Variants in MYO3A observed in about 807,000 individuals in gnomAD.
The protein encoded by MYO3A is myosin-IIIa.
Under a neutral mutation model 192.7 loss-of-function variants are expected in MYO3A, and 180 were observed. The ratio of observed to expected loss-of-function variants is 0.93; its 90% confidence interval spans 0.83 to 1.06. The LOEUF is 1.06. Ranked by LOEUF, MYO3A falls within the 50% of genes least tolerant of loss-of-function variation. MYO3A has a pLI of 0.00. For synonymous variants in MYO3A, 628 were observed against 645.3 expected (o/e 0.97, Z 0.41); for missense variants, 1,896 against 1,905.0 (o/e 1.00, Z 0.09).
intron 15 of MYO3A, among the ~76,000 whole-genome samples, chr10:26,095,832 A>G (rs1197515839): frequency 2.0e-5 from 3 of 152,206 alleles, no homozygotes; most frequent in African/African-American, 7.2e-5. Flanking sequence ...CAATATTAAA[A>G]GGTGGTTAAA....
intron 6 of MYO3A, among the ~76,000 whole-genome samples, chr10:26,009,590 A>G (rs1173561086): frequency 2.0e-5 from 3 of 152,070 alleles, no homozygotes; most frequent in African/African-American, 7.2e-5. Context: ...TGGAGTTTTT[A>G]TGTTGCTATC....
At chr10:25,996,081 G>T (rs1467026649) in intron 4 of MYO3A, among the ~76,000 whole-genome samples, 1 of 152,220 alleles carries the variant, frequency 6.6e-6, no homozygotes, top group Non-Finnish European at 1.5e-5. Flanking sequence ...CTTTTGTTTG[G>T]CTATGCCCTG....
At position 26,118,095 on chromosome 10, in the gene MYO3A, G is replaced by A. The variant is rs148545936; in HGVS notation, c.1777-2581G>A. On this transcript the variant is annotated intron_variant, in intron 17 of 34. Coordinates refer to ENST00000642920, the MANE Select transcript of MYO3A (RefSeq NM_017433.5). Reference sequence around the variant, plus strand: ...GATTTGCATTTCTCTAATGATCAGTGACATTGAGCTTTTTTCATGTGATTG... The same window carrying A: ...GATTTGCATTTCTCTAATGATCAGTAACATTGAGCTTTTTTCATGTGATTG... 9.6e-3 allele frequency among the ~76,000 whole-genome samples: 1,460 copies of A among 152,282 alleles called. 13 individuals are homozygous for A. Among genetic ancestry groups the A allele is most frequent in the Non-Finnish European group, 0.016 (1,063 of 68,020 alleles).
intron 20 of MYO3A, among the ~76,000 whole-genome samples, chr10:26,135,338 T>C (rs944253127): frequency 2.0e-5 from 3 of 151,742 alleles, no homozygotes; most frequent in African/African-American, 7.2e-5. Context: ...TCTATTAGAT[T>C]ATTAGGTTAT....
intron 10 of MYO3A, among the ~76,000 whole-genome samples, chr10:26,033,667 C>T (rs192760563): frequency 1.9e-3 from 289 of 152,262 alleles, no homozygotes; most frequent in Non-Finnish European, 2.5e-3. Flanking sequence ...AGAGCCTGTG[C>T]TCTGGGGCTA....
intron 10 of MYO3A, among the ~76,000 whole-genome samples, chr10:26,039,969 T>C (rs1018721800): frequency 6.7e-6 from 1 of 148,950 alleles, no homozygotes; most frequent in Non-Finnish European, 1.5e-5. Flanking sequence ...CATTAGGTTG[T>C]TTATTTGAAG....
chr10:25,952,455 AT>A (rs1837269164), intron 3 of MYO3A, among the ~76,000 whole-genome samples, 177 bp downstream of exon 3: 1 of 152,200 alleles, frequency 6.6e-6, no homozygotes, highest in Admixed American at 6.5e-5. Flanking sequence ...TGTGCTTAGT[AT>A]ATGTAATAAG....
intron 10 of MYO3A, among the ~76,000 whole-genome samples, chr10:26,061,566 T>C (rs35177483): frequency 0.47 from 71,699 of 151,782 alleles, 17,764 homozygotes; most frequent in Middle Eastern, 0.59. Context: ...GAGAATAATG[T>C]TGGAAAGGTT....
intron 17 of MYO3A, among the ~76,000 whole-genome samples, chr10:26,100,112 C>G (rs183025646): frequency 6.6e-6 from 1 of 152,294 alleles, no homozygotes; most frequent in East Asian, 1.9e-4. Flanking sequence ...TTGAGGGATT[C>G]AACTTCTTCC....
At chr10:25,976,119 G>A (rs1050049789) in intron 4 of MYO3A, among the ~76,000 whole-genome samples, 1 of 152,202 alleles carries the variant, frequency 6.6e-6, no homozygotes, top group Non-Finnish European at 1.5e-5. Flanking sequence ...AGGTGGCAGA[G>A]CCAATTGTAC....
intron 2 of MYO3A, among the ~76,000 whole-genome samples, chr10:25,936,520 T>G (rs1308149036): frequency 3.3e-5 from 5 of 152,180 alleles, no homozygotes; most frequent in South Asian, 4.1e-4. Context: ...TGATTGTACC[T>G]AACAAACAAA....
chr10:26,073,297 A>T (rs12262336), intron 14 of MYO3A, among the ~76,000 whole-genome samples: 5 of 151,734 alleles, frequency 3.3e-5, no homozygotes, highest in East Asian at 1.9e-4. Flanking sequence ...TGAGGCCGGG[A>T]GTGGTGGCTC....
chr10:26,096,492 G>A lies in MYO3A; in HGVS notation c.1661+13G>A, dbSNP rs1464936109. 8 of 1,608,546 alleles carry A rather than the reference G, an allele frequency of 5.0e-6. No individual in the cohort carries two copies. Among genetic ancestry groups the A allele is most frequent in the African/African-American group, 1.3e-5 (1 of 74,712 alleles). On this transcript the variant is annotated intron_variant, in intron 16 of 34. Coordinates refer to ENST00000642920, the MANE Select transcript of MYO3A (RefSeq NM_017433.5). ...ATAAGCCTCCCAGGTAATCTACCAGGTTGAGCTTTCATCAATAATACTTTC... is the reference window on the plus strand; with the variant it reads ...ATAAGCCTCCCAGGTAATCTACCAGATTGAGCTTTCATCAATAATACTTTC...
At position 26,064,851 on chromosome 10, in the gene MYO3A, G is replaced by T. The variant is rs141875164; in HGVS notation, c.954-2124G>T. On this transcript the variant is annotated intron_variant, in intron 10 of 34. Transcript: ENST00000642920. ...AGAATCATAGGAAGGAGTAGGTTTGGAGACAGAGTATTTAGGAGTGTGGTT... is the reference window on the plus strand; with the variant it reads ...AGAATCATAGGAAGGAGTAGGTTTGTAGACAGAGTATTTAGGAGTGTGGTT... Among the ~76,000 whole-genome samples, 226 of 152,278 alleles carry T rather than the reference G, an allele frequency of 1.5e-3. 3 individuals carry two copies. Among genetic ancestry groups the T allele is most frequent in the African/African-American group, 5.1e-3 (210 of 41,556 alleles).
intron 10 of MYO3A, among the ~76,000 whole-genome samples, chr10:26,027,946 A>T (rs190447744): frequency 1.3e-5 from 2 of 152,220 alleles, no homozygotes; most frequent in East Asian, 3.8e-4. Context: ...AAGTCAAAAA[A>T]TTATTAAAGT....
At chr10:25,991,438 A>G (rs1437264867) in intron 4 of MYO3A, among the ~76,000 whole-genome samples, 3 of 152,104 alleles carry the variant, frequency 2.0e-5, no homozygotes, top group Non-Finnish European at 4.4e-5. Context: ...AGTAGATTGC[A>G]AAAATTTTCT....
intron 6 of MYO3A, among the ~76,000 whole-genome samples, chr10:26,007,851 A>G (rs1841336352): frequency 6.6e-6 from 1 of 151,882 alleles, no homozygotes; most frequent in South Asian, 2.1e-4. Flanking sequence ...CAAGCTACCA[A>G]TGACTTTCTT....
At chr10:26,057,097 T>C (rs1834157435) in intron 10 of MYO3A, among the ~76,000 whole-genome samples, 1 of 152,230 alleles carries the variant, frequency 6.6e-6, no homozygotes, top group Admixed American at 6.5e-5. Context: ...AGAAGGTCAT[T>C]TTACTTTCAA....
intron 17 of MYO3A, among the ~76,000 whole-genome samples, chr10:26,096,945 A>G (rs1475130611): frequency 6.6e-6 from 1 of 150,908 alleles, no homozygotes; most frequent in African/African-American, 2.4e-5. Context: ...GGAAATATAT[A>G]TATAAATACA....
Sources: gnomAD v4.1 joint callset for allele counts (sites outside exome capture counted in the v4.1 genomes callset) on GRCh38, gnomAD v4.1.1 for gene constraint, MANE v1.5 for transcripts, NCBI Gene and HGNC (gene_info 2026-07-23, HGNC 2026-07-21) for gene names.